The following DMD variants were observed in gnomAD, a reference collection of about 807,000 sequenced individuals.
DMD encodes dystrophin.
A neutral mutation model predicts 330.1 loss-of-function variants in DMD; 63 were observed. That is an observed-to-expected ratio of 0.19 (90% CI 0.16 to 0.24). DMD has a LOEUF of 0.24. DMD is among the 10% of genes least tolerant of loss of function. The pLI is 1.00. For synonymous variants in DMD, 1,223 were observed against 959.8 expected (o/e 1.27, Z -5.07); for missense variants, 3,344 against 2,684.1 (o/e 1.25, Z -5.43).
At chrX:32,305,392 G>A (rs907252849) in intron 42 of DMD, among the ~76,000 whole-genome samples, 3 of 111,220 alleles carry the variant, frequency 2.7e-5, no homozygotes, top group African/African-American at 9.8e-5. Flanking sequence ...CATCTCTCAA[G>A]GGATCTTCTG....
At chrX:32,181,288 G>A (rs974614603) in intron 44 of DMD, among the ~76,000 whole-genome samples, 1 of 111,723 alleles carries the variant, frequency 9.0e-6, no homozygotes, top group African/African-American at 3.3e-5. Flanking sequence ...TGACGAGGAA[G>A]CTGTTGTTCT....
chrX:32,693,986 C>G lies in DMD; in HGVS notation c.960+3884G>C, dbSNP rs147951920. The stretch of plus-strand genomic sequence containing the variant: ...AGTAACTGCTATATATTAGGATTTC[C>G]CAGACATCGTACCCTACTGTTTTCC... On this transcript the variant is annotated intron_variant, in intron 9 of 78. Transcript: ENST00000357033. 6.9e-3 allele frequency among the ~76,000 whole-genome samples: 768 copies of G among 111,837 alleles called. 10 individuals carry two copies. The highest frequency in any genetic ancestry group is 0.023 in the African/African-American group (709 of 30,806).
intron 2 of DMD, among the ~76,000 whole-genome samples, chrX:32,950,970 G>A (rs1480577466): frequency 3.6e-5 from 4 of 111,229 alleles, no homozygotes; most frequent in Admixed American, 9.7e-5. Flanking sequence ...GGTGGTACTT[G>A]GTTGGTTGAA....
At chrX:33,067,996 C>T (rs946783123) in intron 1 of DMD, among the ~76,000 whole-genome samples, 1 of 111,947 alleles carries the variant, frequency 8.9e-6, no homozygotes. Context: ...ACAATAGTGC[C>T]AACAAGTGCT....
intron 2 of DMD, among the ~76,000 whole-genome samples, chrX:33,014,820 T>C (rs1412053658): frequency 9.4e-6 from 1 of 106,592 alleles, no homozygotes; most frequent in Non-Finnish European, 1.9e-5. Context: ...GAATATTTTG[T>C]GTTTATATGA....
intron 15 of DMD, among the ~76,000 whole-genome samples, chrX:32,572,630 T>C (rs1407444356): frequency 9.1e-6 from 1 of 110,198 alleles, no homozygotes; most frequent in Admixed American, 9.8e-5. Flanking sequence ...AATCCATTTA[T>C]TGCCAAAGAA....
At chrX:33,055,321 G>C (rs1034564618) in intron 1 of DMD, among the ~76,000 whole-genome samples, 2 of 111,454 alleles carry the variant, frequency 1.8e-5, no homozygotes, top group African/African-American at 6.5e-5. Context: ...GGAAGCAGCC[G>C]GATTATTGGT....
intron 41 of DMD, among the ~76,000 whole-genome samples, chrX:32,337,717 T>C (rs1253027988): frequency 9.0e-6 from 1 of 110,963 alleles, no homozygotes; most frequent in Non-Finnish European, 1.9e-5. Context: ...ATATGCAGGA[T>C]ATGAATTAAG....
At position 31,729,764 on chromosome X, in the gene DMD, TC is replaced by T. The variant is rs754422509; in HGVS notation, c.7543-17del. 4.9e-5 allele frequency: 56 copies of T among 1,147,274 alleles called. No homozygotes were observed. In the African/African-American group the frequency reaches 9.8e-4, roughly 20 times the overall value. The allele number at this position is 1,147,274 out of a possible 1,213,427, so 94.5% of individuals were successfully genotyped here. A position where few individuals can be genotyped will look rare whatever the true frequency, so the allele number is the denominator to read the frequency against. On this transcript the variant is annotated splice_polypyrimidine_tract_variant and intron_variant, in intron 51 of 78. Coordinates refer to ENST00000357033, the MANE Select transcript of DMD (RefSeq NM_004006.3). ...GCATTGTTGCCTGTAAGAACAAATA[TC>T]CCTTAGTATCAGGGTTCTTCAGCGT...
chrX:31,964,899 C>T (rs1042847276), intron 45 of DMD, among the ~76,000 whole-genome samples: 1 of 110,699 alleles, frequency 9.0e-6, no homozygotes, highest in Non-Finnish European at 1.9e-5. Flanking sequence ...AGAATAATTG[C>T]CTTATCTGTG....
At chrX:33,107,410 T>C (rs2182289) in intron 1 of DMD, among the ~76,000 whole-genome samples, 41,808 of 104,470 alleles carry the variant, frequency 0.4, 6,702 homozygotes, top group East Asian at 0.85. Context: ...AAATACCATT[T>C]GCTGTCAAGA....
intron 47 of DMD, among the ~76,000 whole-genome samples, chrX:31,900,628 G>C (rs1328989231): frequency 1.8e-5 from 2 of 111,463 alleles, no homozygotes; most frequent in Non-Finnish European, 3.8e-5. Flanking sequence ...GGGCACTGCT[G>C]AAAAGACACC....
At chrX:31,707,055 T>G (rs938699936) in intron 52 of DMD, among the ~76,000 whole-genome samples, 5 of 101,255 alleles carry the variant, frequency 4.9e-5, no homozygotes, top group Admixed American at 2.1e-4. Context: ...CCTTTTAATC[T>G]CGTTGTTTTT....
At chrX:32,599,020 C>T (rs2055885220) in intron 12 of DMD, among the ~76,000 whole-genome samples, 1 of 111,695 alleles carries the variant, frequency 9.0e-6, no homozygotes, top group Admixed American at 9.6e-5. Context: ...CTCTTCTCCT[C>T]TATGACTTTT....
At chrX:33,275,649 A>C (rs1454256288) in intron 1 of DMD, among the ~76,000 whole-genome samples, 1 of 111,554 alleles carries the variant, frequency 9.0e-6, no homozygotes, top group African/African-American at 3.3e-5. Context: ...AAGTGTTCCA[A>C]AGAAAAAGTG....
intron 15 of DMD, among the ~76,000 whole-genome samples, chrX:32,567,776 G>C (rs1293461279): frequency 8.9e-6 from 1 of 112,151 alleles, no homozygotes; most frequent in East Asian, 2.8e-4. Context: ...ATTTGCATTA[G>C]TACTAGAACA....
intron 62 of DMD, among the ~76,000 whole-genome samples, chrX:31,279,384 C>A (rs1449787156): frequency 8.9e-6 from 1 of 112,026 alleles, no homozygotes; most frequent in Admixed American, 9.5e-5. Flanking sequence ...GCAACATGGC[C>A]AAAAGTTCTA....
At chrX:32,263,065 C>A (rs1333761056) in intron 43 of DMD, among the ~76,000 whole-genome samples, 1 of 111,903 alleles carries the variant, frequency 8.9e-6, no homozygotes, top group Non-Finnish European at 1.9e-5. Context: ...AAAATCCAAT[C>A]TAAGATAACA....
chrX:33,309,670 C>T (rs2053819047), intron 1 of DMD, among the ~76,000 whole-genome samples: 1 of 110,793 alleles, frequency 9.0e-6, no homozygotes, highest in Non-Finnish European at 1.9e-5. Flanking sequence ...GTACAAGATG[C>T]AACCATTTGC....
Sources: allele counts gnomAD v4.1 joint callset (sites outside exome capture counted in the v4.1 genomes callset), GRCh38; gene constraint gnomAD v4.1.1; transcripts MANE v1.5; gene names NCBI Gene and HGNC (gene_info 2026-07-23, HGNC 2026-07-21).